The following UTRN variants were observed in gnomAD, a reference collection of about 807,000 sequenced individuals.
UTRN encodes the protein dystrophin-related protein 1.
Under a neutral mutation model 463.9 loss-of-function variants are expected in UTRN, and 283 were observed. That is an observed-to-expected ratio of 0.61 (90% CI 0.55 to 0.67). The LOEUF is 0.67. Ranked by LOEUF, UTRN falls within the 30% of genes least tolerant of loss-of-function variation. UTRN has a pLI of 0.00. For missense variants in UTRN, 3,922 were observed against 4,084.3 expected (o/e 0.96, Z 1.08); for synonymous variants, 1,442 against 1,431.5 (o/e 1.01, Z -0.17).
intron 2 of UTRN, among the ~76,000 whole-genome samples, chr6:144,297,422 C>T (rs1804825717): frequency 6.6e-6 from 1 of 152,180 alleles, no homozygotes; most frequent in Admixed American, 6.5e-5. Flanking sequence ...GTTTATCTTT[C>T]TGAGGCCTTT....
At position 144,819,600 on chromosome 6, in the gene UTRN, C is replaced by A. The variant is rs111738789; in HGVS notation, c.9358-1282C>A. On this transcript the variant is annotated intron_variant, in intron 65 of 74. Coordinates refer to ENST00000367545, the MANE Select transcript of UTRN (RefSeq NM_007124.3). The stretch of plus-strand genomic sequence containing the variant: ...CCCAGCTACTCAGGAGGCTGAGGCA[C>A]GAGAATCGGCTGAACTTGGGAGGCA... Among the ~76,000 whole-genome samples, 216 of 151,928 alleles carry A rather than the reference C, an allele frequency of 1.4e-3. 1 individual carries two copies. The highest frequency in any genetic ancestry group is 5.1e-3 in the African/African-American group (210 of 41,436).
At chr6:144,601,265 G>A (rs1388552262) in intron 51 of UTRN, among the ~76,000 whole-genome samples, 2 of 152,288 alleles carry the variant, frequency 1.3e-5, no homozygotes, top group African/African-American at 4.8e-5. Context: ...AGCTGCTAAA[G>A]ATAGTAATTC....
At chr6:144,827,476 C>T (rs995934520) in intron 67 of UTRN, 90 bp downstream of exon 67, 15 of 1,599,794 alleles carry the variant, frequency 9.4e-6, no homozygotes, top group Non-Finnish European at 1.3e-5. Flanking sequence ...TAAAATAATA[C>T]TTCTGTGTTC....
rs5880596 is a variant in UTRN, at chr6:144,551,136, G to GACACACAC, written c.6928+80_6928+87dup. 2,850 of 635,068 alleles carry GACACACAC rather than the reference G, an allele frequency of 4.5e-3. 22 individuals carry two copies. The highest frequency in any genetic ancestry group is 0.04 in the East Asian group (1,241 of 31,242). The allele number at this position is 635,068 out of a possible 1,614,324, so 39.3% of individuals were successfully genotyped here. ...ATCATCCACTTTCCCTGCAAATGGT[G>GACACACAC]ACACACACACACACACACACACACA... On this transcript the variant is annotated intron_variant, in intron 48 of 74. Transcript: ENST00000367545.
chr6:144,648,551 T>A (rs1050604296), intron 51 of UTRN, among the ~76,000 whole-genome samples: 1 of 152,310 alleles, frequency 6.6e-6, no homozygotes, highest in African/African-American at 2.4e-5. Context: ...TACAATCAAA[T>A]TAACGTTTTC....
rs78244759 is a variant in UTRN, at chr6:144,643,942, C to T, written c.7480-34464C>T. The stretch of plus-strand genomic sequence containing the variant: ...AGTTCATGATATTTCTGTCGTGTCG[C>T]ATTTGTAATGTAGTTAATTATTTTC... On this transcript the variant is annotated intron_variant, in intron 51 of 74. Coordinates refer to ENST00000367545, the MANE Select transcript of UTRN (RefSeq NM_007124.3). 4.0e-3 allele frequency among the ~76,000 whole-genome samples: 610 copies of T among 152,224 alleles called. 7 individuals carry two copies. The highest frequency in any genetic ancestry group is 0.013 in the African/African-American group (524 of 41,538).
chr6:144,774,021 C>T (rs1005405459), intron 59 of UTRN, among the ~76,000 whole-genome samples: 6 of 152,206 alleles, frequency 3.9e-5, no homozygotes, highest in Non-Finnish European at 7.3e-5. Context: ...TTTCAAAGTA[C>T]TCAACCCACC....
At position 144,484,117 on chromosome 6, in the gene UTRN, G is replaced by T. The variant is rs1339360163; in HGVS notation, c.3688-1268G>T. Among the ~76,000 whole-genome samples the T allele has an allele frequency of 2.0e-5, 3 of 152,124 alleles. No homozygotes were observed. The East Asian group carries it at 5.8e-4, about 29-fold the overall frequency. ...CAAATAAGTTCCTCTTATAATAAGG[G>T]ATTATAAATTTATAAATGTTTCCAC... On this transcript the variant is annotated intron_variant, in intron 27 of 74. Transcript: ENST00000367545.
rs148865602 is a variant in UTRN at position 144,730,463 on chromosome 6, G to A, written c.7916G>A (p.Arg2639Lys). Reference sequence around the variant, plus strand: ...CCAATTGAGGCCCCTGAAGAGCCAAGAAGAAACCTACAATCAAAAACAGGT... The same window carrying A: ...CCAATTGAGGCCCCTGAAGAGCCAAAAAGAAACCTACAATCAAAAACAGGT... ...DQPIEAPEEP[R>K]RNLQSKTELT... The change falls in exon 54 of 75, where the codon AGA (arginine) becomes AAA (lysine). Residue 2639 changes from arginine to lysine, a missense_variant. Physicochemically the swap from Arg to Lys is conservative, Grantham distance 26. Transcript: ENST00000367545. 3.1e-4 allele frequency: 506 copies of A among 1,608,546 alleles called. 1 individual carries two copies. The highest frequency in any genetic ancestry group is 2.9e-3 in the African/African-American group (216 of 74,604).
intron 3 of UTRN, among the ~76,000 whole-genome samples, chr6:144,407,081 A>G (rs1783487384): frequency 6.6e-6 from 1 of 152,020 alleles, no homozygotes; most frequent in Non-Finnish European, 1.5e-5. Flanking sequence ...AGACTAGGGT[A>G]GATAAGCTGT....
At chr6:144,376,894 A>G (rs1412428179) in intron 2 of UTRN, among the ~76,000 whole-genome samples, 1 of 152,226 alleles carries the variant, frequency 6.6e-6, no homozygotes, top group African/African-American at 2.4e-5. Context: ...CATAGTTAAT[A>G]GTACAGTATA....
intron 51 of UTRN, among the ~76,000 whole-genome samples, chr6:144,649,014 G>A (rs1227565146): frequency 6.6e-6 from 1 of 152,156 alleles, no homozygotes; most frequent in Non-Finnish European, 1.5e-5. Context: ...CTGTAAACAA[G>A]CCAAGGCAAC....
At chr6:144,309,090 T>C (rs2143009) in intron 2 of UTRN, among the ~76,000 whole-genome samples, 15,284 of 152,174 alleles carry the variant, frequency 0.1, 1,003 homozygotes, top group African/African-American at 0.19. Flanking sequence ...TCAACACTGC[T>C]GATCACTCCC....
intron 51 of UTRN, among the ~76,000 whole-genome samples, chr6:144,635,564 G>T (rs1346008816): frequency 2.0e-5 from 2 of 99,322 alleles, no homozygotes; most frequent in Non-Finnish European, 3.8e-5. Flanking sequence ...TTTTGAGAGG[G>T]AGTCTTACTT....
At chr6:144,369,654 C>G (rs1779809612) in intron 2 of UTRN, among the ~76,000 whole-genome samples, 1 of 152,170 alleles carries the variant, frequency 6.6e-6, no homozygotes, top group Non-Finnish European at 1.5e-5. Context: ...ACACCCTACT[C>G]CTAGTGGGGA....
intron 30 of UTRN, among the ~76,000 whole-genome samples, chr6:144,489,522 T>C (rs916317386): frequency 6.6e-6 from 1 of 152,166 alleles, no homozygotes; most frequent in Admixed American, 6.5e-5. Flanking sequence ...TATAAATAAG[T>C]TGTGAACATT....
intron 2 of UTRN, among the ~76,000 whole-genome samples, chr6:144,385,089 C>T (rs573092953): frequency 3.3e-5 from 5 of 152,164 alleles, no homozygotes; most frequent in South Asian, 2.1e-4. Context: ...TTTGTGATCA[C>T]GAGTTATATT....
intron 27 of UTRN, among the ~76,000 whole-genome samples, chr6:144,484,859 G>T (rs2128575717): frequency 6.6e-6 from 1 of 152,074 alleles, no homozygotes; most frequent in African/African-American, 2.4e-5. Flanking sequence ...GCAGCCTCTT[G>T]CCCACTCTTT....
At chr6:144,460,001 ATT>A (rs11355493) in intron 21 of UTRN, among the ~76,000 whole-genome samples, 14,784 of 132,708 alleles carry the variant, frequency 0.11, 1,641 homozygotes, top group African/African-American at 0.34. Context: ...ATTTTTAAAG[ATT>A]TTTTTTTTTT....
Sources: gnomAD v4.1 joint callset for allele counts (sites outside exome capture counted in the v4.1 genomes callset) on GRCh38, gnomAD v4.1.1 for gene constraint, MANE v1.5 for transcripts, NCBI Gene and HGNC (gene_info 2026-07-23, HGNC 2026-07-21) for gene names.